The following CEP112 variants were observed in gnomAD, a reference collection of about 807,000 sequenced individuals.
The protein encoded by CEP112 is centrosomal protein 112.
A neutral mutation model predicts 153.0 loss-of-function variants in CEP112; 127 were observed. The ratio of observed to expected loss-of-function variants is 0.83; its 90% CI spans 0.72 to 0.96. The LOEUF (loss-of-function observed/expected upper bound fraction) is 0.96. CEP112 is among the 40% of genes least tolerant of loss of function. The pLI, the probability that CEP112 is intolerant of heterozygous loss-of-function variation, is 0.00. For synonymous variants in CEP112, 358 were observed against 374.4 expected (o/e 0.96, Z 0.51); for missense variants, 1,089 against 1,101.2 (o/e 0.99, Z 0.16).
intron 21 of CEP112, among the ~76,000 whole-genome samples, chr17:65,851,239 G>T (rs2057918719): frequency 6.6e-6 from 1 of 152,158 alleles, no homozygotes; most frequent in Non-Finnish European, 1.5e-5. Flanking sequence ...TCAAAAGAAA[G>T]AATATTTGAG....
chr17:66,136,879 C>T (rs1385846252), intron 4 of CEP112, among the ~76,000 whole-genome samples: 3 of 152,112 alleles, frequency 2.0e-5, no homozygotes, highest in Non-Finnish European at 4.4e-5. Context: ...TCTACTCAGG[C>T]CGATTCTTGA....
chr17:65,937,861 C>A (rs1352688246), intron 18 of CEP112, among the ~76,000 whole-genome samples: 7 of 109,446 alleles, frequency 6.4e-5, no homozygotes, highest in Admixed American at 2.3e-4. Context: ...TGCCCGGCCG[C>A]CCCTACTGGG....
intron 19 of CEP112, among the ~76,000 whole-genome samples, chr17:65,921,753 C>A (rs1279631842): frequency 1.3e-5 from 2 of 151,972 alleles, no homozygotes; most frequent in Non-Finnish European, 2.9e-5. Context: ...AGTATCAATT[C>A]TTTAAAGAAT....
intron 8 of CEP112, among the ~76,000 whole-genome samples, chr17:66,072,503 G>A (rs1443272): frequency 0.16 from 24,625 of 152,066 alleles, 2,759 homozygotes; most frequent in African/African-American, 0.31. Flanking sequence ...AGTACAGACC[G>A]TTATTAAATG....
intron 19 of CEP112, among the ~76,000 whole-genome samples, chr17:65,912,534 A>G (rs2060326896): frequency 6.6e-6 from 1 of 152,132 alleles, no homozygotes; most frequent in African/African-American, 2.4e-5. Flanking sequence ...GCCTAAAGCA[A>G]CAAAACCACT....
chr17:65,858,102 C>T (rs1314533100), intron 20 of CEP112, among the ~76,000 whole-genome samples: 1 of 152,134 alleles, frequency 6.6e-6, no homozygotes, highest in African/African-American at 2.4e-5. Flanking sequence ...CATTATTGGA[C>T]TTGATTTGCT....
At chr17:65,769,042 A>G (rs2053178147) in intron 21 of CEP112, among the ~76,000 whole-genome samples, 1 of 152,256 alleles carries the variant, frequency 6.6e-6, no homozygotes, top group East Asian at 1.9e-4. Flanking sequence ...AATCCCAAAG[A>G]TTGCACACAA....
At chr17:66,129,134 GC>G (rs1441905262) in intron 6 of CEP112, among the ~76,000 whole-genome samples, 1 of 151,786 alleles carries the variant, frequency 6.6e-6, no homozygotes, top group Non-Finnish European at 1.5e-5. Flanking sequence ...AAATTTAAAA[GC>G]TAAACTTCTC....
chr17:65,734,706 A>T (rs939436232), intron 23 of CEP112, among the ~76,000 whole-genome samples: 5 of 152,176 alleles, frequency 3.3e-5, no homozygotes, highest in Admixed American at 1.3e-4. Context: ...TGTTATTTTG[A>T]TTGAAGAATA....
At chr17:65,743,641 T>C (rs1454591058) in intron 22 of CEP112, among the ~76,000 whole-genome samples, 1 of 152,282 alleles carries the variant, frequency 6.6e-6, no homozygotes, top group Non-Finnish European at 1.5e-5. Flanking sequence ...TTCAGTCACC[T>C]AATTCTATAC....
At chr17:66,146,260 T>A (rs1175106295) in intron 4 of CEP112, among the ~76,000 whole-genome samples, 2 of 152,108 alleles carry the variant, frequency 1.3e-5, no homozygotes, top group Non-Finnish European at 1.5e-5. Flanking sequence ...AAGAGATTTG[T>A]GAGGTGGTTA....
At chr17:65,662,364 G>C in intron 24 of CEP112, among the ~76,000 whole-genome samples, 1 of 152,168 alleles carries the variant, frequency 6.6e-6, no homozygotes, top group East Asian at 1.9e-4. Context: ...TTGAGCAAGA[G>C]GCTGCATCTT....
intron 21 of CEP112, among the ~76,000 whole-genome samples, chr17:65,849,681 G>A (rs140011175): frequency 6.6e-6 from 1 of 152,278 alleles, no homozygotes; most frequent in Non-Finnish European, 1.5e-5. Flanking sequence ...AGGTGCACAG[G>A]TATCTGTGCT....
intron 23 of CEP112, among the ~76,000 whole-genome samples, chr17:65,726,784 C>T (rs572291871): frequency 4.6e-5 from 7 of 152,304 alleles, no homozygotes; most frequent in East Asian, 1.9e-4. Flanking sequence ...TGGAGACCTA[C>T]TCAGGACATC....
At chr17:65,786,828 C>T (rs189229873) in intron 21 of CEP112, among the ~76,000 whole-genome samples, 183 of 152,158 alleles carry the variant, frequency 1.2e-3, no homozygotes, top group African/African-American at 4.3e-3. Flanking sequence ...TCAAGTGATC[C>T]GCCTGCCTTC....
intron 12 of CEP112, among the ~76,000 whole-genome samples, chr17:66,037,117 CA>C (rs1448951704): frequency 6.6e-6 from 1 of 152,080 alleles, no homozygotes; most frequent in Non-Finnish European, 1.5e-5. Context: ...GCTAAAGGAA[CA>C]GACCAGTAGA....
intron 1 of CEP112, among the ~76,000 whole-genome samples, chr17:66,186,822 A>C (rs865905581): frequency 5.9e-5 from 9 of 152,306 alleles, no homozygotes; most frequent in African/African-American, 1.7e-4. Flanking sequence ...AGCCCCTTGA[A>C]TAACTCCAGC....
chr17:65,809,818 T>A (rs956827552), intron 21 of CEP112, among the ~76,000 whole-genome samples: 12 of 150,924 alleles, frequency 8.0e-5, no homozygotes, highest in Non-Finnish European at 5.9e-5. Flanking sequence ...GCAATGAGAC[T>A]GCACAAGATG....
At chr17:65,984,789 C>T (rs2063343217) in intron 17 of CEP112, among the ~76,000 whole-genome samples, 1 of 152,076 alleles carries the variant, frequency 6.6e-6, no homozygotes, top group Non-Finnish European at 1.5e-5. Flanking sequence ...AAGGATGGCA[C>T]AGAATGATAG....
Sources: allele counts gnomAD v4.1 joint callset (sites outside exome capture counted in the v4.1 genomes callset), GRCh38; gene constraint gnomAD v4.1.1; transcripts MANE v1.5; gene names NCBI Gene and HGNC (gene_info 2026-07-23, HGNC 2026-07-21).